The following ANK2 variants were observed in gnomAD, a reference collection of about 807,000 sequenced individuals.
The protein encoded by ANK2 is ankyrin-2.
ANK2 carries 83 observed loss-of-function variants against 360.5 expected under a neutral mutation model. That is an observed-to-expected ratio of 0.23 (90% CI 0.19 to 0.28). ANK2 has a LOEUF of 0.28. ANK2 is among the 10% of genes least tolerant of loss of function. The pLI, the probability that ANK2 is intolerant of heterozygous loss-of-function variation, is 1.00. For missense variants in ANK2, 4,201 were observed against 4,795.7 expected (o/e 0.88, Z 3.66); for synonymous variants, 1,740 against 1,759.5 (o/e 0.99, Z 0.28).
chr4:112,918,605 T>C lies in ANK2; in HGVS notation c.21+14091T>C, dbSNP rs111618932. ...CCTGTTTGAAGAATAGAGAGGGGAA[T>C]GATGCCACACTCTAACAAATAAAAC... On this transcript the variant is annotated intron_variant, in intron 2 of 30. Coordinates refer to the ANK2 transcript ENST00000503271. Among the ~76,000 whole-genome samples, 1,254 of 152,274 alleles carry C rather than the reference T, an allele frequency of 8.2e-3. 13 individuals carry two copies. Among genetic ancestry groups the C allele is most frequent in the African/African-American group, 0.029 (1,192 of 41,554 alleles).
At chr4:113,323,747 A>G (rs958186466) in intron 26 of ANK2, 31 of 1,611,064 alleles carry the variant, frequency 1.9e-5, no homozygotes, top group Non-Finnish European at 2.4e-5. Context: ...TAAAGTATCT[A>G]TTCTGTTGCA....
At chr4:113,196,537 T>C (rs1218765140) in intron 3 of ANK2, 71 bp downstream of exon 3, 3 of 1,345,216 alleles carry the variant, frequency 2.2e-6, no homozygotes, top group African/African-American at 1.5e-5. Context: ...TTCATTTTTA[T>C]TTATTTTTTA....
chr4:113,109,353 T>A (rs1308150822), intron 1 of ANK2, among the ~76,000 whole-genome samples: 1 of 152,198 alleles, frequency 6.6e-6, no homozygotes, highest in Non-Finnish European at 1.5e-5. Flanking sequence ...CTTCTGCCAG[T>A]CTTTGTGGTC....
chr4:113,241,980 A>G (rs1029392154), intron 8 of ANK2, 131 bp from the exon 9 acceptor site: 2 of 741,904 alleles, frequency 2.7e-6, no homozygotes, highest in African/African-American at 1.7e-5. Context: ...AATCAAAGAC[A>G]TAGAAAGAGT....
In ANK2 at chr4:113,362,200, T is replaced by G. The variant is rs992267432; in HGVS notation, c.10757-1138T>G. On this transcript the variant is annotated intron_variant, in intron 39 of 45. Coordinates refer to ENST00000357077, the MANE Select transcript of ANK2 (RefSeq NM_001148.6). Reference sequence around the variant, plus strand: ...TATTAATGGCTTTTGTTGATGGGCTTTAGGTGGTTTCCCAGTAACGGCAGT... The same window carrying G: ...TATTAATGGCTTTTGTTGATGGGCTGTAGGTGGTTTCCCAGTAACGGCAGT... 4.6e-5 allele frequency among the ~76,000 whole-genome samples: 7 copies of G among 152,290 alleles called. No homozygotes were observed. In the East Asian group the frequency reaches 1.4e-3, roughly 29 times the overall value.
the ANK2 span, among the ~76,000 whole-genome samples, chr4:112,777,384 A>G: frequency 6.6e-6 from 1 of 151,762 alleles, no homozygotes; most frequent in South Asian, 2.1e-4. Context: ...GACTACAGAC[A>G]CCTGCCACCA....
chr4:113,335,636 G>A (rs971041767), intron 29 of ANK2, among the ~76,000 whole-genome samples: 3 of 152,186 alleles, frequency 2.0e-5, no homozygotes, highest in African/African-American at 7.2e-5. Flanking sequence ...AAACATGCAA[G>A]CTAAATGCTG....
Position 112,936,890 on chromosome 4 carries a change from G to A in ANK2, c.21+32376G>A, listed in dbSNP as rs1438659940. On this transcript the variant is annotated intron_variant, in intron 2 of 30. Transcript: ENST00000503271. ...TGCAGCCTCAATCTCCGGGGCTCAAGTGATTCTCCACTTCGGCCTCCCAAG... is the reference window on the plus strand; with the variant it reads ...TGCAGCCTCAATCTCCGGGGCTCAAATGATTCTCCACTTCGGCCTCCCAAG... Among the ~76,000 whole-genome samples, 31 of 152,142 alleles carry A rather than the reference G, an allele frequency of 2.0e-4. 1 individual carries two copies. Among genetic ancestry groups the A allele is most frequent in the Admixed American group, 2.0e-3 (31 of 15,266 alleles).
chr4:113,038,311 T>G (rs908350454), intron 2 of ANK2, among the ~76,000 whole-genome samples: 6 of 151,838 alleles, frequency 4.0e-5, no homozygotes, highest in African/African-American at 1.2e-4. Flanking sequence ...CAACAAAGAC[T>G]TTTTTTTGAG....
intron 45 of ANK2, among the ~76,000 whole-genome samples, 172 bp from the exon 46 acceptor site, chr4:113,381,284 AT>A (rs2097163869): frequency 1.3e-5 from 2 of 152,342 alleles, no homozygotes; most frequent in South Asian, 4.1e-4. Flanking sequence ...GAGGGGAGCC[AT>A]GTTTAAAAGA....
intron 2 of ANK2, among the ~76,000 whole-genome samples, chr4:112,936,874 A>T (rs1267173032): frequency 6.6e-6 from 1 of 152,014 alleles, no homozygotes; most frequent in African/African-American, 2.4e-5. Flanking sequence ...TTGCAGCCTC[A>T]ATCTCCGGGG....
intron 1 of ANK2, among the ~76,000 whole-genome samples, chr4:112,857,573 A>T (rs142720351): frequency 9.8e-4 from 149 of 152,328 alleles, no homozygotes; most frequent in African/African-American, 3.5e-3. Context: ...CATCATGGAT[A>T]TTCCAAGCCT....
At chr4:112,910,909 G>A (rs2151008851) in intron 2 of ANK2, among the ~76,000 whole-genome samples, 1 of 150,330 alleles carries the variant, frequency 6.7e-6, no homozygotes, top group African/African-American at 2.4e-5. Flanking sequence ...ATTGGCAGAA[G>A]CTCAAACCAT....
chr4:112,972,970 G>C (rs2154267111), intron 2 of ANK2, among the ~76,000 whole-genome samples: 1 of 152,252 alleles, frequency 6.6e-6, no homozygotes. Flanking sequence ...GCTAAGCTAT[G>C]AGGATGCAAA....
At chr4:113,130,067 G>T (rs552917539) in intron 1 of ANK2, among the ~76,000 whole-genome samples, 1 of 152,210 alleles carries the variant, frequency 6.6e-6, no homozygotes, top group Non-Finnish European at 1.5e-5. Flanking sequence ...ATAATATGCT[G>T]TTTCTGTTTC....
At position 112,971,703 on chromosome 4, in the gene ANK2, G is replaced by A. The variant is rs543711316; in HGVS notation, c.21+67189G>A. 6.1e-3 allele frequency among the ~76,000 whole-genome samples: 930 copies of A among 152,272 alleles called. 15 individuals are homozygous for A. The highest frequency in any genetic ancestry group is 0.021 in the African/African-American group (883 of 41,546). On this transcript the variant is annotated intron_variant, in intron 2 of 30. Coordinates refer to the ANK2 transcript ENST00000503271. ...ATTTTTTCTTTTAAGAGAAAGACAAGTTTATCTTGAGGAGCTTCATATTGG... is the reference window on the plus strand; with the variant it reads ...ATTTTTTCTTTTAAGAGAAAGACAAATTTATCTTGAGGAGCTTCATATTGG...
At chr4:113,323,827 GT>G in intron 26 of ANK2, 1 of 1,600,238 alleles carries the variant, frequency 6.2e-7, no homozygotes, top group Non-Finnish European at 8.5e-7. Context: ...CTCTGAACAT[GT>G]TGCCTATTCC....
At chr4:113,075,748 G>A (rs899080229) in intron 1 of ANK2, among the ~76,000 whole-genome samples, 2 of 152,204 alleles carry the variant, frequency 1.3e-5, no homozygotes, top group Admixed American at 6.5e-5. Context: ...TTTTCTTACA[G>A]TGCTTCTGAC....
intron 2 of ANK2, among the ~76,000 whole-genome samples, chr4:113,193,248 A>G (rs1284592758): frequency 1.3e-5 from 2 of 152,178 alleles, no homozygotes; most frequent in South Asian, 2.1e-4. Context: ...AACTAATAAA[A>G]CAGATATACT....
Sources: gnomAD v4.1 joint callset for allele counts (sites outside exome capture counted in the v4.1 genomes callset) on GRCh38, gnomAD v4.1.1 for gene constraint, MANE v1.5 for transcripts, NCBI Gene and HGNC (gene_info 2026-07-23, HGNC 2026-07-21) for gene names.